MDN1: variants seen among roughly 807,000 people sequenced by gnomAD.
MDN1 encodes the protein midasin AAA ATPase 1.
In MDN1, 266 loss-of-function variants were observed where a neutral mutation model predicts 669.2. The ratio of observed to expected loss-of-function variants is 0.40; its 90% CI spans 0.36 to 0.44. MDN1 has a LOEUF of 0.44. MDN1 is among the 20% of genes least tolerant of loss of function. The pLI, the probability that MDN1 is intolerant of heterozygous loss-of-function variation, is 1.00. For synonymous variants in MDN1, 2,385 were observed against 2,457.1 expected (o/e 0.97, Z 0.87); for missense variants, 5,940 against 6,754.0 (o/e 0.88, Z 4.22).
intron 15 of MDN1, among the ~76,000 whole-genome samples, chr6:89,764,914 A>G (rs144835000): frequency 2.2e-4 from 34 of 152,354 alleles, no homozygotes; most frequent in Admixed American, 5.2e-4. Context: ...CCTGAGGAAG[A>G]GAGTGAGACC....
At chr6:89,751,119 A>G (rs1196323243) in intron 23 of MDN1, among the ~76,000 whole-genome samples, 1 of 152,184 alleles carries the variant, frequency 6.6e-6, no homozygotes, top group Admixed American at 6.5e-5. Context: ...TGCTGGCAAC[A>G]TTTGTAAGAA....
chr6:89,677,745 G>A (rs770103238), intron 75 of MDN1, 49 bp from the exon 76 acceptor site: 6 of 1,610,940 alleles, frequency 3.7e-6, no homozygotes, highest in Non-Finnish European at 5.1e-6. Context: ...AGTAGAGAAT[G>A]GATGTGCCCC....
At chr6:89,747,214 C>A (rs1816681604) in intron 27 of MDN1, 115 bp downstream of exon 27, 11 of 1,222,880 alleles carry the variant, frequency 9.0e-6, no homozygotes, top group Non-Finnish European at 1.2e-5. Flanking sequence ...AACAGGCTCT[C>A]TGGAATACCT....
chr6:89,709,635 A>T (rs1053933988), intron 50 of MDN1, among the ~76,000 whole-genome samples: 69 of 152,322 alleles, frequency 4.5e-4, no homozygotes, highest in African/African-American at 1.7e-3. Context: ...CAAAAGCATC[A>T]TGCATATTTT....
chr6:89,688,505 A>G, intron 66 of MDN1, 68 bp downstream of exon 66: 1 of 1,429,044 alleles, frequency 7.0e-7, no homozygotes, highest in East Asian at 2.3e-5. Flanking sequence ...CCCCAGGGAT[A>G]ATGGTGAGGC....
At chr6:89,810,297 A>G (rs969173984) in intron 1 of MDN1, among the ~76,000 whole-genome samples, 1 of 151,824 alleles carries the variant, frequency 6.6e-6, no homozygotes, top group Admixed American at 6.6e-5. Flanking sequence ...TTAGCCGGGT[A>G]TGGTGGCGGG....
chr6:89,756,573 A>G (rs1379878540), intron 19 of MDN1, among the ~76,000 whole-genome samples, 183 bp from the exon 20 acceptor site: 1 of 152,244 alleles, frequency 6.6e-6, no homozygotes, highest in Non-Finnish European at 1.5e-5. Context: ...CCAAAAATAT[A>G]CCATTATTGC....
At position 89,642,772 on chromosome 6, in the gene MDN1, A is replaced by AAATT. The variant is rs1284993528; in HGVS notation, c.*1229_*1232dup. ...GTCATCTTCCATTAAGAAGAGTCAC[A>AAATT]AATTACATCAACAACAGTGGTATAT... On this transcript the variant is annotated 3_prime_UTR_variant, in exon 102 of 102. Coordinates refer to ENST00000369393, the MANE Select transcript of MDN1 (RefSeq NM_014611.3). 6.6e-6 allele frequency: 1 copy of AAATT among 152,360 alleles called. No homozygotes were observed. Among genetic ancestry groups the AAATT allele is most frequent in the South Asian group, 2.1e-4 (1 of 4,824 alleles). 9.4% of individuals were successfully genotyped at this position (152,360 alleles called of 1,614,324 possible).
intron 59 of MDN1, among the ~76,000 whole-genome samples, chr6:89,698,346 G>A (rs1812912323): frequency 6.6e-6 from 1 of 152,136 alleles, no homozygotes; most frequent in African/African-American, 2.4e-5. Flanking sequence ...ATAGGAAGAG[G>A]GAGAAAATGC....
In MDN1 at chr6:89,790,392, T is replaced by C; in HGVS notation, c.865A>G (p.Arg289Gly). Residue 289 changes from arginine to glycine, a missense_variant, in exon 6 of 102, where the codon AGG becomes GGG. Arg to Gly is a moderately radical substitution (Grantham distance 125). This residue lies in a region of MDN1 where 1,203 missense variants were observed against 1,268.9 expected (regional missense o/e 0.95). Transcript: ENST00000369393. ...AGCTCCTGTTCACGTGAAGAACTCC[T>C]ATTACCACCCTAAAGAGGCAAGACA... ...LPAPGELGGNRSSSREQELAL... is the reference protein window; with the variant it reads ...LPAPGELGGNGSSSREQELAL... 6.2e-7 allele frequency: 1 copy of C among 1,613,804 alleles called. No homozygotes were observed.
chr6:89,670,078 C>A (rs1416520088), intron 83 of MDN1, among the ~76,000 whole-genome samples: 2 of 139,180 alleles, frequency 1.4e-5, no homozygotes, highest in Non-Finnish European at 3.0e-5. Flanking sequence ...TGGCACGTGC[C>A]TGTAATCACG....
intron 88 of MDN1, among the ~76,000 whole-genome samples, chr6:89,659,349 G>T (rs1486165078): frequency 6.6e-6 from 1 of 152,168 alleles, no homozygotes; most frequent in Non-Finnish European, 1.5e-5. Flanking sequence ...CTCCAGTCTG[G>T]GTGAGAGGGC....
rs1250410895 is a variant in MDN1, at chr6:89,700,300, C to A, written c.8639-6G>T. Reference sequence around the variant, plus strand: ...CACAAAATTCTTCAATTCATCTGGACAAAAAGACAAATGTTGTATGAGAGC... The same window carrying A: ...CACAAAATTCTTCAATTCATCTGGAAAAAAAGACAAATGTTGTATGAGAGC... On this transcript the variant is annotated splice_region_variant and splice_polypyrimidine_tract_variant and intron_variant, in intron 56 of 101. Coordinates refer to ENST00000369393, the MANE Select transcript of MDN1 (RefSeq NM_014611.3). 2.5e-6 allele frequency: 4 copies of A among 1,605,304 alleles called. No individual in the cohort carries two copies. The Admixed American group carries it at 5.0e-5, about 20-fold the overall frequency.
chr6:89,646,337 A>G (rs910980105), intron 100 of MDN1, among the ~76,000 whole-genome samples: 3 of 152,234 alleles, frequency 2.0e-5, no homozygotes, highest in African/African-American at 7.2e-5. Context: ...CCCATTGATT[A>G]TAAGCCTCAT....
intron 33 of MDN1, 32 bp from the exon 34 acceptor site, chr6:89,732,807 G>A: frequency 6.3e-7 from 1 of 1,597,616 alleles, no homozygotes; most frequent in Non-Finnish European, 8.6e-7. Flanking sequence ...AGCATTTGCT[G>A]TTAACGGGAG....
rs954776001 is a variant in MDN1 at position 89,789,509 on chromosome 6, G to A, written c.1230+271C>T. Among the ~76,000 whole-genome samples, 15 of 152,066 alleles carry A rather than the reference G, an allele frequency of 9.9e-5. 1 individual carries two copies. The highest frequency in any genetic ancestry group is 3.4e-4 in the African/African-American group (14 of 41,410). ...TTGATCTCATATTCAATTAAGGGAGGAAAATACTACTATGAAACTGGTCAC... is the reference window on the plus strand; with the variant it reads ...TTGATCTCATATTCAATTAAGGGAGAAAAATACTACTATGAAACTGGTCAC... On this transcript the variant is annotated intron_variant, in intron 7 of 101. Coordinates refer to ENST00000369393, the MANE Select transcript of MDN1 (RefSeq NM_014611.3).
chr6:89,803,248 G>A (rs1345181532), intron 2 of MDN1, 80 bp downstream of exon 2: 1 of 1,226,812 alleles, frequency 8.2e-7, no homozygotes, highest in East Asian at 2.3e-5. Flanking sequence ...TACCTTCTCA[G>A]CTCAGACTCC....
intron 2 of MDN1, among the ~76,000 whole-genome samples, chr6:89,797,426 A>G: frequency 6.6e-6 from 1 of 152,012 alleles, no homozygotes; most frequent in East Asian, 1.9e-4. Context: ...CAAATGCTCA[A>G]AAATGGACTG....
chr6:89,819,762 C>T lies in MDN1; in HGVS notation c.-155G>A, dbSNP rs562434054. 1.6e-6 allele frequency: 1 copy of T among 632,584 alleles called. No individual in the cohort carries two copies. Among genetic ancestry groups the T allele is most frequent in the Non-Finnish European group, 2.8e-6 (1 of 356,654 alleles). The allele number at this position is 632,584 out of a possible 1,614,324, so 39.2% of individuals were successfully genotyped here. A position where few individuals can be genotyped will look rare whatever the true frequency, so the allele number is the denominator to read the frequency against. On this transcript the variant is annotated 5_prime_UTR_variant, in exon 1 of 102. In the 5' UTR this introduces an upstream ATG that the reference lacks. Transcript: ENST00000369393. ...CGCCTACACCGGGAGAGGGGCACCA[C>T]ACGTGGGTGAGCACACGGCGTTTGA... is the stretch of plus-strand genomic sequence containing the variant.
Sources: allele counts gnomAD v4.1 joint callset (sites outside exome capture counted in the v4.1 genomes callset), GRCh38; gene constraint gnomAD v4.1.1; regional missense constraint gnomAD v4.1.1; transcripts MANE v1.5; gene names NCBI Gene and HGNC (gene_info 2026-07-23, HGNC 2026-07-21).